Variants in ACACB observed in about 807,000 individuals in gnomAD.
ACACB encodes acetyl-CoA carboxylase 2.
In ACACB, 209 loss-of-function variants were observed where a neutral mutation model predicts 278.8. The ratio of observed to expected loss-of-function variants is 0.75; its 90% CI spans 0.67 to 0.84. The LOEUF (loss-of-function observed/expected upper bound fraction) is 0.84. ACACB is among the 40% of genes least tolerant of loss of function. The probability of loss-of-function intolerance (pLI) is 0.00; values close to 1 mark genes in which losing one functional copy is unlikely to be tolerated. For missense variants in ACACB, 2,850 were observed against 3,269.0 expected (o/e 0.87, Z 3.13); for synonymous variants, 1,174 against 1,285.6 (o/e 0.91, Z 1.86).
intron 3 of ACACB, among the ~76,000 whole-genome samples, chr12:109,167,654 T>TATATATATATATATATATATATATATA (rs71079531): frequency 2.2e-4 from 31 of 138,730 alleles, no homozygotes; most frequent in East Asian, 6.9e-4. Flanking sequence ...TATATATATA[T>TATATATATATATATATATATATATATA]TTCAGACAAA....
chr12:109,260,582 G>A lies in ACACB; in HGVS notation c.6599G>A (p.Arg2200Gln), dbSNP rs751071189. 9.9e-6 allele frequency: 16 copies of A among 1,613,158 alleles called. No individual in the cohort carries two copies. The highest frequency in any genetic ancestry group is 5.5e-5 in the South Asian group (5 of 90,936). The change falls in exon 48 of 53, where the codon CGG becomes CAG. Residue 2200 changes from arginine to glutamine, a missense_variant. Arg to Gln is a conservative substitution (Grantham distance 43). This residue lies in a region of ACACB where 579 missense variants were observed against 684.6 expected (regional missense o/e 0.85). Coordinates refer to ENST00000338432, the MANE Select transcript of ACACB (RefSeq NM_001093.4). ...TATATCCCGCCCTATGCGGAGCTCCGGGGAGGCTCCTGGGTGGTCATAGAT... is the reference window on the plus strand; with the variant it reads ...TATATCCCGCCCTATGCGGAGCTCCAGGGAGGCTCCTGGGTGGTCATAGAT... ...LIYIPPYAEL[R>Q]GGSWVVIDAT...
intron 19 of ACACB, 142 bp downstream of exon 19, chr12:109,201,843 GT>G: frequency 8.6e-7 from 1 of 1,167,140 alleles, no homozygotes; most frequent in South Asian, 1.6e-5. Context: ...AGCAGCCACC[GT>G]GATGGTGCAG....
Position 109,209,339 on chromosome 12 carries a change from T to A in ACACB, c.3235T>A (p.Phe1079Ile). 6.2e-7 allele frequency: 1 copy of A among 1,610,334 alleles called. No individual in the cohort carries two copies. The highest frequency in any genetic ancestry group is 8.5e-7 in the Non-Finnish European group (1 of 1,178,680). ...CAACATCACCTCGGTGCTGTGCCAG[T>A]TCCCCAGCCAGCAGGTGCGTGCTCC... Reference protein sequence around the residue: ...ASNITSVLCQFPSQQIATILD... With the variant: ...ASNITSVLCQIPSQQIATILD... The change falls in exon 21 of 53, where the codon TTC becomes ATC. Residue 1079 changes from phenylalanine (F) to isoleucine (I), a missense_variant. Phe to Ile is a conservative substitution (Grantham distance 21). This residue lies in a region of ACACB where 2,265 missense variants were observed against 2,561.3 expected (regional missense o/e 0.88). Coordinates refer to ENST00000338432, the MANE Select transcript of ACACB (RefSeq NM_001093.4).
At chr12:109,252,477 A>T (rs1377915304) in intron 42 of ACACB, 2 of 219,436 alleles carry the variant, frequency 9.1e-6, no homozygotes, top group Non-Finnish European at 1.8e-5. Context: ...ATTCTGGTAT[A>T]GTTCCCTCTC....
intron 28 of ACACB, among the ~76,000 whole-genome samples, chr12:109,228,102 C>T (rs1216961564): frequency 2.0e-5 from 3 of 149,186 alleles, no homozygotes; most frequent in Non-Finnish European, 4.4e-5. Flanking sequence ...CTTTGGGAGG[C>T]TGAGGTGGGT....
At chr12:109,133,592 C>T (rs2135991421) in intron 1 of ACACB, among the ~76,000 whole-genome samples, 1 of 151,990 alleles carries the variant, frequency 6.6e-6, no homozygotes, top group South Asian at 2.1e-4. Context: ...GAGGGATGCC[C>T]ACCCTATCAA....
intron 9 of ACACB, 34 bp downstream of exon 9, chr12:109,176,297 T>G: frequency 1.3e-6 from 2 of 1,570,480 alleles, no homozygotes; most frequent in Non-Finnish European, 1.8e-6. Context: ...TTCGCATCTG[T>G]CTTTGGGAAT....
At chr12:109,172,027 C>A in intron 5 of ACACB, 113 bp downstream of exon 5, 1 of 909,868 alleles carries the variant, frequency 1.1e-6, no homozygotes, top group Non-Finnish European at 1.7e-6. Context: ...CACAAGGCTC[C>A]AAATTCCTGG....
At chr12:109,137,147 T>G (rs924306209) in intron 1 of ACACB, among the ~76,000 whole-genome samples, 45 of 152,160 alleles carry the variant, frequency 3.0e-4, no homozygotes, top group African/African-American at 1.1e-3. Flanking sequence ...ACATTGACAT[T>G]GAGCCACCCT....
At chr12:109,242,210 CA>C in intron 36 of ACACB, 1 of 503,654 alleles carries the variant, frequency 2.0e-6, no homozygotes, top group East Asian at 3.3e-5. Flanking sequence ...ATGCCTTGAT[CA>C]CTGTATTTTT....
In ACACB at chr12:109,241,238, A is replaced by C. The variant is rs775273258; in HGVS notation, c.4979A>C (p.Asp1660Ala). ...FITNESGYYL[D>A]ISLYKEVTDS... ...ACCAATGAGTCGGGCTACTACCTGG[A>C]CATCAGCCTCTACAAAGAAGTGACT... The change falls in exon 36 of 53, where the codon GAC becomes GCC. Residue 1660 changes from aspartate (D) to alanine (A), a missense_variant. Transcript: ENST00000338432. 1 of 1,614,094 alleles carries C rather than the reference A, an allele frequency of 6.2e-7. No individual in the cohort carries two copies. Among genetic ancestry groups the C allele is most frequent in the Non-Finnish European group, 8.5e-7 (1 of 1,180,056 alleles).
At chr12:109,174,452 A>G (rs1186148282) in intron 7 of ACACB, among the ~76,000 whole-genome samples, 3 of 152,172 alleles carry the variant, frequency 2.0e-5, no homozygotes, top group Non-Finnish European at 4.4e-5. Context: ...TACAAAAAAG[A>G]AATGGAAATC....
chr12:109,168,330 A>G (rs932241218), intron 4 of ACACB, among the ~76,000 whole-genome samples: 3 of 152,176 alleles, frequency 2.0e-5, no homozygotes, highest in Non-Finnish European at 4.4e-5. Flanking sequence ...ATGTAATTGT[A>G]TTTCAATCAT....
Position 109,167,801 on chromosome 12 carries a change from G to A in ACACB, c.787-95G>A, listed in dbSNP as rs929692724. The A allele has an allele frequency of 1.2e-5, 18 of 1,563,558 alleles. No individual in the cohort carries two copies. In the African/African-American group the frequency reaches 1.9e-4, roughly 16 times the overall value. On this transcript the variant is annotated intron_variant, in intron 3 of 52. Coordinates refer to ENST00000338432, the MANE Select transcript of ACACB (RefSeq NM_001093.4). The stretch of plus-strand genomic sequence containing the variant: ...GAATGATGTGCTGCGGGGGCTGCAG[G>A]AGGCTCTGCAGCTGTGAGGTGGACT...
the ACACB span, chr12:109,111,557 T>TC: frequency 6.3e-5 from 9 of 143,180 alleles, no homozygotes; most frequent in African/African-American, 2.3e-4. Flanking sequence ...TCTTTCTTTC[T>TC]TTTTCTTTTT....
Position 109,201,593 on chromosome 12 carries a change from C to T in ACACB, c.2805C>T (p.Asn935=), listed in dbSNP as rs754415842. Reference sequence around the variant, plus strand: ...TGATGAAGATGATCATGACCCTGAACGTTCAGGAAAGAGGCCGGGTGAAGT... The same window carrying T: ...TGATGAAGATGATCATGACCCTGAATGTTCAGGAAAGAGGCCGGGTGAAGT... The part of the protein sequence containing the change: ...MEVMKMIMTL[N]VQERGRVKYI... The change falls in exon 19 of 53, where the codon AAC becomes AAT. Residue 935 remains asparagine (N), a synonymous_variant. Coordinates refer to ENST00000338432, the MANE Select transcript of ACACB (RefSeq NM_001093.4). The T allele has an allele frequency of 1.7e-5, 28 of 1,614,034 alleles. No homozygotes were observed. The highest frequency in any genetic ancestry group is 2.2e-5 in the Non-Finnish European group (26 of 1,180,042).
chr12:109,144,310 C>T (rs906975591), intron 2 of ACACB, among the ~76,000 whole-genome samples: 1 of 151,870 alleles, frequency 6.6e-6, no homozygotes, highest in Non-Finnish European at 1.5e-5. Context: ...GAGACTCTGT[C>T]TCAATAAATA....
At chr12:109,180,623 G>A (rs2044433599) in intron 11 of ACACB, among the ~76,000 whole-genome samples, 1 of 151,962 alleles carries the variant, frequency 6.6e-6, no homozygotes, top group African/African-American at 2.4e-5. Flanking sequence ...TTTATAGGGT[G>A]CAAGAGATTT....
chr12:109,260,483 T>G lies in ACACB; in HGVS notation c.6500T>G (p.Met2167Arg). The G allele has an allele frequency of 6.2e-7, 1 of 1,614,182 alleles. No homozygotes were observed. The highest frequency in any genetic ancestry group is 8.5e-7 in the Non-Finnish European group (1 of 1,180,024). Residue 2167 changes from methionine (M) to arginine (R), a missense_variant, in exon 48 of 53, where the codon ATG becomes AGG. Met to Arg is a moderately conservative substitution (Grantham distance 91). Around this residue, in one of 3 missense-constraint regions of ACACB, gnomAD observed 579 missense variants for 684.6 expected, o/e 0.85. Coordinates refer to ENST00000338432, the MANE Select transcript of ACACB (RefSeq NM_001093.4). ...WRGFSGGMKD[M>R]YDQVLKFGAY... ...GGGAGGCTGCTTTGCTTTTCAGACA[T>G]GTATGACCAGGTGCTGAAGTTTGGA...
Sources: allele counts gnomAD v4.1 joint callset (sites outside exome capture counted in the v4.1 genomes callset), GRCh38; gene constraint gnomAD v4.1.1; regional missense constraint gnomAD v4.1.1; transcripts MANE v1.5; gene names NCBI Gene and HGNC (gene_info 2026-07-23, HGNC 2026-07-21).